Variants in NTRK2 observed in about 807,000 individuals in gnomAD.
NTRK2 encodes the protein BDNF/NT-3 growth factors receptor.
In NTRK2, 13 loss-of-function variants were observed where a neutral mutation model predicts 94.5. That is an observed-to-expected ratio of 0.14 (90% CI 0.09 to 0.22). The LOEUF (loss-of-function observed/expected upper bound fraction) is 0.22. Among genes scored for constraint, NTRK2 ranks in the 10% least tolerant of loss-of-function variants. The pLI is 1.00. For synonymous variants in NTRK2, 372 were observed against 407.4 expected, an observed-to-expected ratio of 0.91 and a Z score of 1.05; for missense variants, 639 against 1,071.2, an observed-to-expected ratio of 0.60 and a Z score of 5.63.
chr9:84,954,219 C>T (rs924162626), intron 16 of NTRK2, among the ~76,000 whole-genome samples: 8 of 152,230 alleles, frequency 5.3e-5, no homozygotes, highest in Admixed American at 1.3e-4. Flanking sequence ...CAGGGCAGAG[C>T]CCGACAGCAA....
chr9:84,810,506 G>T, intron 12 of NTRK2: 2 of 1,587,110 alleles, frequency 1.3e-6, no homozygotes, highest in South Asian at 2.2e-5. Flanking sequence ...TTTTTCTTTT[G>T]AGCATGACTT....
At chr9:84,741,205 C>G (rs992380904) in intron 9 of NTRK2, among the ~76,000 whole-genome samples, 3 of 152,174 alleles carry the variant, frequency 2.0e-5, no homozygotes, top group Non-Finnish European at 4.4e-5. Flanking sequence ...TTTTGATCAT[C>G]TTGGTGACTG....
chr9:84,828,145 T>C (rs1212907271), intron 12 of NTRK2, among the ~76,000 whole-genome samples: 3 of 152,194 alleles, frequency 2.0e-5, no homozygotes, highest in Non-Finnish European at 4.4e-5. Flanking sequence ...ATCGGAGCTG[T>C]CATTCTTTAT....
At chr9:84,901,442 C>T (rs1034791075) in intron 14 of NTRK2, among the ~76,000 whole-genome samples, 6 of 151,938 alleles carry the variant, frequency 3.9e-5, no homozygotes, top group African/African-American at 1.5e-4. Flanking sequence ...CCATCTTAGC[C>T]AGGATGGTCT....
At chr9:84,698,113 G>A (rs2060497982) in intron 2 of NTRK2, among the ~76,000 whole-genome samples, 1 of 151,648 alleles carries the variant, frequency 6.6e-6, no homozygotes, top group Non-Finnish European at 1.5e-5. Flanking sequence ...TAACATAAAT[G>A]GTATAAATAG....
chr9:84,777,521 A>C (rs1027276832), intron 12 of NTRK2, among the ~76,000 whole-genome samples: 5 of 152,230 alleles, frequency 3.3e-5, no homozygotes, highest in African/African-American at 1.2e-4. Context: ...AGTGTTTCTC[A>C]GCTCTCAAAG....
At chr9:84,713,804 AT>A in intron 6 of NTRK2, among the ~76,000 whole-genome samples, 1 of 147,074 alleles carries the variant, frequency 6.8e-6, no homozygotes, top group Non-Finnish European at 1.5e-5. Flanking sequence ...TGCTTTTTAT[AT>A]TTTTTCCCCT....
At chr9:84,815,785 G>GGTT in intron 12 of NTRK2, 2 of 995,436 alleles carry the variant, frequency 2.0e-6, no homozygotes, top group Non-Finnish European at 2.4e-6. Context: ...GAGTGCCCTT[G>GGTT]GTTGTGTTCA....
intron 12 of NTRK2, among the ~76,000 whole-genome samples, chr9:84,787,859 G>A (rs376330351): frequency 1.3e-5 from 2 of 152,278 alleles, no homozygotes; most frequent in South Asian, 2.1e-4. Flanking sequence ...CCAGTGAAGA[G>A]CAGGACTATG....
In NTRK2 at chr9:85,025,739, G is replaced by C. The variant is rs1225836369; in HGVS notation, c.*4302G>C. The C allele has an allele frequency of 4.3e-6, 1 of 232,834 alleles. No homozygotes were observed. The highest frequency in any genetic ancestry group is 2.2e-5 in the African/African-American group (1 of 45,246). The allele number at this position is 232,834 out of a possible 1,614,324, so 14.4% of individuals were successfully genotyped here. A position where few individuals can be genotyped will look rare whatever the true frequency, so the allele number is the denominator to read the frequency against. ...ATTTTCAATGTTGACCTTTGGTTTGGCCATATATCACTGTTATAGGAAATC... is the reference window on the plus strand; with the variant it reads ...ATTTTCAATGTTGACCTTTGGTTTGCCCATATATCACTGTTATAGGAAATC... On this transcript the variant is annotated 3_prime_UTR_variant, in exon 19 of 19. Transcript: ENST00000277120.
intron 2 of NTRK2, among the ~76,000 whole-genome samples, chr9:84,689,423 C>T (rs887331118): frequency 6.6e-6 from 1 of 152,144 alleles, no homozygotes; most frequent in African/African-American, 2.4e-5. Flanking sequence ...TGTTCTGTGA[C>T]TTTGGTTTCT....
intron 12 of NTRK2, chr9:84,810,709 A>T (rs1218484774): frequency 6.4e-7 from 1 of 1,570,122 alleles, no homozygotes; most frequent in African/African-American, 1.4e-5. Flanking sequence ...TTTCTGGTAG[A>T]TGTGGGCGGT....
intron 12 of NTRK2, among the ~76,000 whole-genome samples, chr9:84,846,850 TCGCATCGTTCCCAGCA>T (rs2074497974): frequency 6.6e-6 from 1 of 152,170 alleles, no homozygotes; most frequent in Non-Finnish European, 1.5e-5. Context: ...CCCTCAAGAC[TCGCATCGTTCCCAGCA>T]ACTGGAGCTG....
intron 2 of NTRK2, among the ~76,000 whole-genome samples, chr9:84,691,501 A>G (rs2060045651): frequency 6.6e-6 from 1 of 152,140 alleles, no homozygotes; most frequent in South Asian, 2.1e-4. Context: ...GAGCCTGGAA[A>G]ATTTTAGTCT....
chr9:84,683,936 A>G (rs565350383), intron 2 of NTRK2, among the ~76,000 whole-genome samples: 7 of 152,264 alleles, frequency 4.6e-5, no homozygotes, highest in Admixed American at 2.6e-4. Flanking sequence ...CTCTAATGCA[A>G]TGATGAGTGA....
chr9:84,750,247 C>T (rs2064466430), intron 11 of NTRK2, among the ~76,000 whole-genome samples: 1 of 152,092 alleles, frequency 6.6e-6, no homozygotes, highest in Admixed American at 6.5e-5. Flanking sequence ...TCAAGTGTCC[C>T]CTGGATGGCA....
intron 12 of NTRK2, among the ~76,000 whole-genome samples, chr9:84,788,320 C>A (rs2068337032): frequency 6.6e-6 from 1 of 152,142 alleles, no homozygotes. Context: ...TCAGTAGATG[C>A]AGATCAGAGT....
At chr9:84,695,989 G>A (rs1005028316) in intron 2 of NTRK2, among the ~76,000 whole-genome samples, 1 of 152,136 alleles carries the variant, frequency 6.6e-6, no homozygotes, top group African/African-American at 2.4e-5. Flanking sequence ...TGTGGCAAAT[G>A]AATGCTTATC....
chr9:84,772,007 TC>T (rs957466301), intron 12 of NTRK2, among the ~76,000 whole-genome samples: 1 of 152,196 alleles, frequency 6.6e-6, no homozygotes, highest in Admixed American at 6.6e-5. Flanking sequence ...GAGGTTTTAC[TC>T]CAAGCTTTCC....
Sources: allele counts gnomAD v4.1 joint callset (sites outside exome capture counted in the v4.1 genomes callset), GRCh38; gene constraint gnomAD v4.1.1; transcripts MANE v1.5; gene names NCBI Gene and HGNC (gene_info 2026-07-23, HGNC 2026-07-21).